BCAR3: variants seen among roughly 807,000 people sequenced by gnomAD.
BCAR3 encodes breast cancer anti-estrogen resistance protein 3.
BCAR3 carries 37 observed loss-of-function variants against 80.1 expected under a neutral mutation model. That is an observed-to-expected ratio of 0.46 (90% CI 0.36 to 0.61). The LOEUF (loss-of-function observed/expected upper bound fraction) is 0.61. Among genes scored for constraint, BCAR3 ranks in the 20% least tolerant of loss-of-function variants. BCAR3 has a pLI of 0.00. For synonymous variants in BCAR3, 389 were observed against 418.9 expected, an observed-to-expected ratio of 0.93 and a Z score of 0.87; for missense variants, 978 against 1,068.2, an observed-to-expected ratio of 0.92 and a Z score of 1.18.
intron 2 of BCAR3, among the ~76,000 whole-genome samples, chr1:93,786,392 C>A (rs570149045): frequency 2.1e-3 from 315 of 152,190 alleles, no homozygotes; most frequent in African/African-American, 7.2e-3. Context: ...CTCTAACTGG[C>A]TAGCTATGTG....
At chr1:93,797,345 T>C (rs969044717) in intron 2 of BCAR3, among the ~76,000 whole-genome samples, 2 of 152,206 alleles carry the variant, frequency 1.3e-5, no homozygotes, top group Non-Finnish European at 2.9e-5. Flanking sequence ...CTTGTAAATG[T>C]CTTTCTTCAT....
chr1:93,568,394 C>T (rs968550588), intron 9 of BCAR3, among the ~76,000 whole-genome samples: 1 of 152,154 alleles, frequency 6.6e-6, no homozygotes, highest in Non-Finnish European at 1.5e-5. Flanking sequence ...CACATACAGC[C>T]TGGCCTGCTG....
chr1:93,666,240 C>T (rs1044805588), intron 2 of BCAR3, among the ~76,000 whole-genome samples: 20 of 152,178 alleles, frequency 1.3e-4, no homozygotes, highest in Admixed American at 3.3e-4. Context: ...AAAAACACAA[C>T]GTGAGCCACA....
intron 7 of BCAR3, among the ~76,000 whole-genome samples, chr1:93,580,853 A>G (rs1385550896): frequency 6.6e-6 from 1 of 152,104 alleles, no homozygotes; most frequent in East Asian, 1.9e-4. Flanking sequence ...TCTAAAATAA[A>G]CGTTTCCTAC....
intron 2 of BCAR3, among the ~76,000 whole-genome samples, chr1:93,798,308 C>A (rs1653355073): frequency 6.6e-6 from 1 of 152,160 alleles, no homozygotes; most frequent in Non-Finnish European, 1.5e-5. Flanking sequence ...TTAAACATGG[C>A]CATCTCTACA....
intron 2 of BCAR3, among the ~76,000 whole-genome samples, chr1:93,797,099 A>G (rs1653305704): frequency 6.6e-6 from 1 of 152,168 alleles, no homozygotes; most frequent in Admixed American, 6.5e-5. Flanking sequence ...ACGACTGGCC[A>G]CGTTTTAGAG....
chr1:93,639,728 C>G (rs557267872), intron 3 of BCAR3, among the ~76,000 whole-genome samples: 4 of 151,916 alleles, frequency 2.6e-5, no homozygotes, highest in Admixed American at 2.6e-4. Flanking sequence ...CTGCCCACCT[C>G]GGCCTCCCAA....
intron 2 of BCAR3, among the ~76,000 whole-genome samples, chr1:93,777,833 T>G (rs1429691223): frequency 6.6e-6 from 1 of 152,246 alleles, no homozygotes; most frequent in African/African-American, 2.4e-5. Flanking sequence ...TGTAGATTCC[T>G]TTGCTTTGCT....
At chr1:93,727,018 A>T (rs1357436277) in intron 2 of BCAR3, among the ~76,000 whole-genome samples, 3 of 152,162 alleles carry the variant, frequency 2.0e-5, no homozygotes, top group African/African-American at 7.2e-5. Flanking sequence ...AAATCCTTGC[A>T]GAGCTTTTGT....
chr1:93,749,379 G>C (rs1325170982), intron 2 of BCAR3, among the ~76,000 whole-genome samples: 1 of 151,920 alleles, frequency 6.6e-6, no homozygotes. Flanking sequence ...ATGAGGTCAC[G>C]AGATCGAGAC....
At chr1:93,671,579 G>A (rs1648204329) in intron 2 of BCAR3, among the ~76,000 whole-genome samples, 1 of 152,176 alleles carries the variant, frequency 6.6e-6, no homozygotes. Context: ...AAAAAAAGAG[G>A]TGACTGAGCT....
At chr1:93,803,851 AG>A (rs35340416) in intron 2 of BCAR3, among the ~76,000 whole-genome samples, 1 of 152,254 alleles carries the variant, frequency 6.6e-6, no homozygotes, top group African/African-American at 2.4e-5. Context: ...AAATGAAAAC[AG>A]GGAGCAGTGA....
At chr1:93,706,701 T>G (rs1649837615) in intron 2 of BCAR3, among the ~76,000 whole-genome samples, 1 of 152,202 alleles carries the variant, frequency 6.6e-6, no homozygotes, top group South Asian at 2.1e-4. Context: ...TATTTGGAGC[T>G]TAGAACTATG....
intron 2 of BCAR3, among the ~76,000 whole-genome samples, chr1:93,649,468 G>C (rs1676253951): frequency 1.3e-5 from 2 of 151,904 alleles, no homozygotes. Context: ...ACTAGCTTAG[G>C]AAGTGTGGTG....
At chr1:93,715,262 T>G (rs911700792) in intron 2 of BCAR3, among the ~76,000 whole-genome samples, 1 of 152,274 alleles carries the variant, frequency 6.6e-6, no homozygotes, top group Non-Finnish European at 1.5e-5. Context: ...TTTCTTTTTT[T>G]GTTTTGAACA....
chr1:93,588,249 C>T (rs1379934003), intron 5 of BCAR3, among the ~76,000 whole-genome samples: 2 of 152,144 alleles, frequency 1.3e-5, no homozygotes, highest in East Asian at 3.9e-4. Context: ...CCCCTCCCTC[C>T]TGGTCACTCC....
chr1:93,639,559 C>T (rs1299362150), intron 3 of BCAR3, among the ~76,000 whole-genome samples: 1 of 151,394 alleles, frequency 6.6e-6, no homozygotes, highest in Non-Finnish European at 1.5e-5. Context: ...TCACTGCAAC[C>T]TCCGCCTCCC....
chr1:93,750,947 A>G (rs1651536107), intron 2 of BCAR3, among the ~76,000 whole-genome samples: 1 of 152,200 alleles, frequency 6.6e-6, no homozygotes, highest in African/African-American at 2.4e-5. Flanking sequence ...AGCTTGATAA[A>G]AAATAGTTGG....
intron 2 of BCAR3, among the ~76,000 whole-genome samples, chr1:93,786,505 A>T (rs1652952632): frequency 6.6e-6 from 1 of 152,224 alleles, no homozygotes; most frequent in Admixed American, 6.5e-5. Flanking sequence ...TCTTGCCTAA[A>T]TTACAGATTC....
Sources: gnomAD v4.1 joint callset for allele counts (sites outside exome capture counted in the v4.1 genomes callset) on GRCh38, gnomAD v4.1.1 for gene constraint, MANE v1.5 for transcripts, NCBI Gene and HGNC (gene_info 2026-07-23, HGNC 2026-07-21) for gene names.